ACTR3C: variants seen among roughly 807,000 people sequenced by gnomAD.
ACTR3C encodes the protein actin-related protein 3C.
A neutral mutation model predicts 26.3 loss-of-function variants in ACTR3C; 18 were observed. The ratio of observed to expected loss-of-function variants is 0.68; its 90% CI spans 0.47 to 1.01. The LOEUF is 1.01. Ranked by LOEUF, ACTR3C falls within the 50% of genes least tolerant of loss-of-function variation. The probability of loss-of-function intolerance (pLI) is 0.00; values close to 1 mark genes in which losing one functional copy is unlikely to be tolerated. For synonymous variants in ACTR3C, 55 were observed against 94.5 expected, an observed-to-expected ratio of 0.58 and a Z score of 2.42; for missense variants, 184 against 250.7, an observed-to-expected ratio of 0.73 and a Z score of 1.80.
chr7:150,313,998 G>A lies in ACTR3C; in HGVS notation c.-52+9471C>T, dbSNP rs570310345. Among the ~76,000 whole-genome samples, 3 of 152,354 alleles carry A rather than the reference G, an allele frequency of 2.0e-5. No individual in the cohort carries two copies. The South Asian group carries it at 6.2e-4, about 32-fold the overall frequency. ...TCGAGGCAGAGGCCATGCACAGGAC[G>A]GAGCTCTTCTGGCAAGCACAGTACT... On this transcript the variant is annotated intron_variant, in intron 1 of 7. Transcript: ENST00000683684.
At chr7:150,309,745 C>T (rs996489805) in intron 1 of ACTR3C, among the ~76,000 whole-genome samples, 2 of 152,202 alleles carry the variant, frequency 1.3e-5, no homozygotes, top group Non-Finnish European at 2.9e-5. Context: ...ATATCACAGC[C>T]ACTTCTAGGG....
At chr7:150,316,304 T>C (rs7806429) in intron 1 of ACTR3C, among the ~76,000 whole-genome samples, 45,136 of 152,106 alleles carry the variant, frequency 0.3, 6,922 homozygotes, top group East Asian at 0.42. Context: ...TTATTCCATT[T>C]CATTAATCTG....
At chr7:149,895,498 C>T in the ACTR3C span, among the ~76,000 whole-genome samples, 244 of 152,202 alleles carry the variant, frequency 1.6e-3, 3 homozygotes, top group Non-Finnish European at 6.5e-4. Context: ...ATATTATACA[C>T]GATAAAAACA....
At chr7:149,889,126 T>C in the ACTR3C span, among the ~76,000 whole-genome samples, 1 of 152,144 alleles carries the variant, frequency 6.6e-6, no homozygotes, top group Non-Finnish European at 1.5e-5. Context: ...AAGACTTGTA[T>C]CTTGAATATA....
chr7:150,294,260 T>C (rs1368787918), intron 2 of ACTR3C, among the ~76,000 whole-genome samples: 1 of 152,232 alleles, frequency 6.6e-6, no homozygotes, highest in Non-Finnish European at 1.5e-5. Context: ...TGTCTTCTAG[T>C]GGGCAGAGGC....
intron 6 of ACTR3C, among the ~76,000 whole-genome samples, chr7:150,254,002 A>C (rs914186454): frequency 8.5e-5 from 13 of 152,080 alleles, no homozygotes; most frequent in African/African-American, 2.9e-4. Context: ...AAACTTGAGA[A>C]TTAATTTCAA....
the ACTR3C span, among the ~76,000 whole-genome samples, chr7:149,911,917 A>C: frequency 6.6e-6 from 1 of 151,748 alleles, no homozygotes; most frequent in African/African-American, 2.4e-5. Context: ...GACTGAGGCA[A>C]GAGGACCCGT....
At chr7:150,047,525 CA>C in the ACTR3C span, 2 of 766,580 alleles carry the variant, frequency 2.6e-6, no homozygotes, top group Non-Finnish European at 3.2e-6. Context: ...TTCCCCCCCC[CA>C]CAGATGCCCC....
At chr7:150,137,416 C>T in the ACTR3C span, among the ~76,000 whole-genome samples, 4 of 152,184 alleles carry the variant, frequency 2.6e-5, no homozygotes, top group Non-Finnish European at 5.9e-5. Flanking sequence ...GGCAGGTGCT[C>T]GGGAAACTGA....
chr7:150,301,854 C>T (rs1437956666), intron 1 of ACTR3C, among the ~76,000 whole-genome samples: 1 of 151,680 alleles, frequency 6.6e-6, no homozygotes, highest in Non-Finnish European at 1.5e-5. Context: ...AATGGGCATT[C>T]CAGGGGCAGG....
chr7:150,116,626 A>G, the ACTR3C span, among the ~76,000 whole-genome samples: 2 of 152,214 alleles, frequency 1.3e-5, no homozygotes, highest in Admixed American at 1.3e-4. Context: ...AATTGAGATA[A>G]ATTGTTTCTA....
the ACTR3C span, among the ~76,000 whole-genome samples, chr7:150,163,159 A>C: frequency 6.6e-6 from 1 of 151,144 alleles, no homozygotes; most frequent in South Asian, 2.1e-4. Context: ...GTCTCAAAAA[A>C]AAGAAAAAAA....
At chr7:150,161,263 A>G in the ACTR3C span, among the ~76,000 whole-genome samples, 42,285 of 136,186 alleles carry the variant, frequency 0.31, 7,088 homozygotes, top group East Asian at 0.55. Context: ...TGTGCACAAC[A>G]TGCAGGTTTG....
At chr7:149,911,424 A>G in the ACTR3C span, among the ~76,000 whole-genome samples, 2 of 152,062 alleles carry the variant, frequency 1.3e-5, no homozygotes, top group East Asian at 1.9e-4. Context: ...TCTCATGGTT[A>G]TATCTACACC....
the ACTR3C span, among the ~76,000 whole-genome samples, chr7:150,224,247 G>C: frequency 6.6e-6 from 1 of 152,188 alleles, no homozygotes; most frequent in African/African-American, 2.4e-5. Flanking sequence ...TGGAAGCCTT[G>C]TCAGGAGCAG....
chr7:149,993,349 C>G, the ACTR3C span, among the ~76,000 whole-genome samples: 3 of 152,184 alleles, frequency 2.0e-5, no homozygotes, highest in Admixed American at 2.0e-4. Flanking sequence ...CGAGGCCAAG[C>G]AGGGGTGCAC....
At chr7:150,091,864 T>C in the ACTR3C span, among the ~76,000 whole-genome samples, 7 of 149,678 alleles carry the variant, frequency 4.7e-5, no homozygotes, top group Non-Finnish European at 8.9e-5. Context: ...GGCGGGCGCC[T>C]GTAGTCCCAG....
chr7:150,170,543 T>C, the ACTR3C span, among the ~76,000 whole-genome samples: 1 of 150,632 alleles, frequency 6.6e-6, no homozygotes, highest in Non-Finnish European at 1.5e-5. Context: ...TGCTGGCCCA[T>C]TGAACTCAGT....
chr7:150,261,339 T>A (rs1157995458), intron 6 of ACTR3C, among the ~76,000 whole-genome samples: 2 of 152,034 alleles, frequency 1.3e-5, no homozygotes, highest in Non-Finnish European at 2.9e-5. Context: ...ACTCTTTTTC[T>A]ACTTGAAGCA....
Sources: gnomAD v4.1 joint callset for allele counts (sites outside exome capture counted in the v4.1 genomes callset) on GRCh38, gnomAD v4.1.1 for gene constraint, MANE v1.5 for transcripts, NCBI Gene and HGNC (gene_info 2026-07-23, HGNC 2026-07-21) for gene names.